The following DYNC2H1 variants were observed in gnomAD, a reference collection of about 807,000 sequenced individuals.
DYNC2H1 encodes dynein cytoplasmic 2 heavy chain 1, also known as cytoplasmic dynein 2 heavy chain 1.
DYNC2H1 carries 410 observed loss-of-function variants against 570.0 expected under a neutral mutation model. The observed-to-expected ratio is 0.72, with a 90% CI of 0.66 to 0.78. The LOEUF is 0.78. DYNC2H1 is among the 30% of genes least tolerant of loss of function. The pLI is 0.00. For missense variants in DYNC2H1, 4,865 were observed against 5,046.4 expected (o/e 0.96, Z 1.09); for synonymous variants, 1,688 against 1,677.6 (o/e 1.01, Z -0.15).
At chr11:103,255,612 T>C in intron 67 of DYNC2H1, 78 bp downstream of exon 67, 1 of 1,405,900 alleles carries the variant, frequency 7.1e-7, no homozygotes, top group South Asian at 1.5e-5. Flanking sequence ...GTTTGGAAAA[T>C]TAATAGTATC....
intron 11 of DYNC2H1, among the ~76,000 whole-genome samples, chr11:103,123,256 C>T (rs979486493): frequency 3.9e-5 from 6 of 151,950 alleles, no homozygotes; most frequent in Admixed American, 6.6e-5. Context: ...TAGTCTTTCC[C>T]CATGTTTTTT....
At chr11:103,286,431 C>T (rs1267789100) in intron 74 of DYNC2H1, 45 bp downstream of exon 74, 6 of 1,591,484 alleles carry the variant, frequency 3.8e-6, no homozygotes, top group Non-Finnish European at 5.1e-6. Flanking sequence ...TTTAATGTTT[C>T]TCTTATTATT....
At chr11:103,156,042 A>G (rs1860801074) in intron 25 of DYNC2H1, among the ~76,000 whole-genome samples, 4 of 152,282 alleles carry the variant, frequency 2.6e-5, no homozygotes, top group South Asian at 4.1e-4. Flanking sequence ...TTTGTTCCAA[A>G]TATTGGCCTT....
intron 54 of DYNC2H1, among the ~76,000 whole-genome samples, chr11:103,212,758 T>G (rs1163526387): frequency 6.6e-6 from 1 of 152,092 alleles, no homozygotes; most frequent in Non-Finnish European, 1.5e-5. Context: ...ATTATCTTAA[T>G]CATTTCTAAT....
rs540429844 is a variant in DYNC2H1, at chr11:103,285,573, C to T, written c.10891-682C>T. ...GAGTAGCTGTGATCACAGGCGCCCACCACCAGCCTGACTAATTTTTTTTGT... is the reference window on the plus strand; with the variant it reads ...GAGTAGCTGTGATCACAGGCGCCCATCACCAGCCTGACTAATTTTTTTTGT... On this transcript the variant is annotated intron_variant, in intron 73 of 88. Coordinates refer to ENST00000375735, the MANE Select transcript of DYNC2H1 (RefSeq NM_001377.3). Among the ~76,000 whole-genome samples, 4 of 151,624 alleles carry T rather than the reference C, an allele frequency of 2.6e-5. No homozygotes were observed. In the East Asian group the frequency reaches 5.8e-4, roughly 22 times the overall value.
At chr11:103,329,399 ATC>A (rs1565499598) in intron 82 of DYNC2H1, among the ~76,000 whole-genome samples, 1 of 146,818 alleles carries the variant, frequency 6.8e-6, no homozygotes, top group Admixed American at 7.2e-5. Flanking sequence ...TTCTAGAATC[ATC>A]TCTGTAGAAT....
intron 29 of DYNC2H1, among the ~76,000 whole-genome samples, chr11:103,162,160 A>G (rs76689786): frequency 6.6e-6 from 1 of 152,114 alleles, no homozygotes; most frequent in African/African-American, 2.4e-5. Context: ...AAAAGTTGAA[A>G]CTCTGGAAGC....
intron 70 of DYNC2H1, among the ~76,000 whole-genome samples, chr11:103,262,534 A>G (rs933807625): frequency 2.6e-5 from 4 of 152,142 alleles, no homozygotes; most frequent in African/African-American, 9.7e-5. Context: ...AGAAGAGAGT[A>G]GGGGCCAATA....
intron 70 of DYNC2H1, among the ~76,000 whole-genome samples, chr11:103,274,464 T>A (rs934369962): frequency 6.6e-6 from 1 of 152,122 alleles, no homozygotes; most frequent in Admixed American, 6.5e-5. Context: ...ATACATTTAT[T>A]GTCTTATTTA....
At chr11:103,368,859 G>T (rs11225748) in intron 83 of DYNC2H1, among the ~76,000 whole-genome samples, 10,442 of 151,854 alleles carry the variant, frequency 0.069, 371 homozygotes, top group Non-Finnish European at 0.077. Flanking sequence ...TGTGTTCTTG[G>T]GACCTTTGTC....
At position 103,157,649 on chromosome 11, in the gene DYNC2H1, C is replaced by G. The variant is rs1346011675; in HGVS notation, c.4127+879C>G. 6.6e-6 allele frequency among the ~76,000 whole-genome samples: 1 copy of G among 152,204 alleles called. No individual in the cohort carries two copies. The highest frequency in any genetic ancestry group is 1.5e-5 in the Non-Finnish European group (1 of 68,034). ...ACTTCTATTCTAATGTTCTGTATCTCTTACTTGGACTACGCACATTAACCT... is the reference window on the plus strand; with the variant it reads ...ACTTCTATTCTAATGTTCTGTATCTGTTACTTGGACTACGCACATTAACCT... On this transcript the variant is annotated intron_variant, in intron 26 of 88. Coordinates refer to ENST00000375735, the MANE Select transcript of DYNC2H1 (RefSeq NM_001377.3). The surrounding 1 kb of genome is among the most constrained non-coding windows in gnomAD (Gnocchi z 4.2).
At chr11:103,194,254 G>A (rs560885658) in intron 47 of DYNC2H1, among the ~76,000 whole-genome samples, 2 of 151,892 alleles carry the variant, frequency 1.3e-5, no homozygotes, top group African/African-American at 4.8e-5. Context: ...TCGATAGCTC[G>A]TTTCTTTTTA....
chr11:103,379,429 T>C (rs1591652690), intron 83 of DYNC2H1, among the ~76,000 whole-genome samples: 1 of 152,182 alleles, frequency 6.6e-6, no homozygotes, highest in East Asian at 1.9e-4. Context: ...ATTTTTATAT[T>C]ACATTCATAA....
In DYNC2H1 at chr11:103,299,426, G is replaced by A. The variant is rs935274732; in HGVS notation, c.11096-3667G>A. On this transcript the variant is annotated intron_variant, in intron 75 of 88. Coordinates refer to ENST00000375735, the MANE Select transcript of DYNC2H1 (RefSeq NM_001377.3). The surrounding 1 kb of genome is among the most constrained non-coding windows in gnomAD (Gnocchi z 4.5). ...GGCTCACCAGGTTTCTTTGCTCCAA[G>A]TTTTGGAAGCCCTGGGGAAAATCCA... is the stretch of plus-strand genomic sequence containing the variant. Among the ~76,000 whole-genome samples the A allele has an allele frequency of 6.6e-6, 1 of 152,098 alleles. No homozygotes were observed. The highest frequency in any genetic ancestry group is 2.4e-5 in the African/African-American group (1 of 41,450).
chr11:103,386,904 T>TAA (rs1417883507), intron 83 of DYNC2H1, among the ~76,000 whole-genome samples: 1 of 148,934 alleles, frequency 6.7e-6, no homozygotes, highest in Non-Finnish European at 1.5e-5. Flanking sequence ...CTATCGTTGT[T>TAA]GGACATTTGG....
At chr11:103,445,813 G>A (rs12288424) in intron 85 of DYNC2H1, among the ~76,000 whole-genome samples, 53,301 of 151,560 alleles carry the variant, frequency 0.35, 9,835 homozygotes, top group African/African-American at 0.47. Flanking sequence ...CATCATGCCC[G>A]GCTAATTTTT....
In DYNC2H1 at chr11:103,205,057, CA is replaced by C; in HGVS notation, c.8454+94del. The C allele has an allele frequency of 8.7e-7, 1 of 1,152,746 alleles. No individual in the cohort carries two copies. Among genetic ancestry groups the C allele is most frequent in the Non-Finnish European group, 1.2e-6 (1 of 827,112 alleles). The allele number at this position is 1,152,746 out of a possible 1,614,324, so 71.4% of individuals were successfully genotyped here. The stretch of plus-strand genomic sequence containing the variant: ...TTCTCTTTGGTGTTGGTTATAACAT[CA>C]CCTTAATTATGGCACCAAACATCTC... On this transcript the variant is annotated intron_variant, in intron 52 of 88. Transcript: ENST00000375735. This position sits in a 1 kb window ranked among gnomAD's most constrained non-coding sequence, Gnocchi z 4.5.
rs1261505725 is a variant in DYNC2H1, at chr11:103,245,376, T to G, written c.10042+2T>G. The G allele has an allele frequency of 3.4e-5, 54 of 1,580,018 alleles. No homozygotes were observed. The highest frequency in any genetic ancestry group is 4.5e-5 in the Non-Finnish European group (52 of 1,163,558). On this transcript the variant is annotated splice_donor_variant, in intron 65 of 88. Coordinates refer to ENST00000375735, the MANE Select transcript of DYNC2H1 (RefSeq NM_001377.3). LOFTEE classifies it high-confidence loss of function. The surrounding 1 kb of genome is among the most constrained non-coding windows in gnomAD (Gnocchi z 4.5). Reference sequence around the variant, plus strand: ...TGAGACGAGATCTGGTTGCTCAAGGTAAATAATTGACACTTTCCAGAGTGT... The same window carrying G: ...TGAGACGAGATCTGGTTGCTCAAGGGAAATAATTGACACTTTCCAGAGTGT...
intron 12 of DYNC2H1, among the ~76,000 whole-genome samples, chr11:103,126,866 C>G (rs555357759): frequency 9.0e-4 from 137 of 152,264 alleles, no homozygotes; most frequent in African/African-American, 3.2e-3. Flanking sequence ...TCTCAATCTC[C>G]TGACCTTGTG....
Sources: gnomAD v4.1 joint callset for allele counts (sites outside exome capture counted in the v4.1 genomes callset) on GRCh38, gnomAD v4.1.1 for gene constraint, Gnocchi (gnomAD v3.1) non-coding constraint, MANE v1.5 for transcripts, NCBI Gene and HGNC (gene_info 2026-07-23, HGNC 2026-07-21) for gene names.